Variants in ODAD3 observed in about 807,000 individuals in gnomAD.
ODAD3 encodes the protein outer dynein arm-docking complex subunit 3.
ODAD3 carries 57 observed loss-of-function variants against 70.9 expected under a neutral mutation model. That is an observed-to-expected ratio of 0.80 (90% CI 0.65 to 1.00). ODAD3 has a LOEUF of 1.00. Among genes scored for constraint, ODAD3 ranks in the 50% least tolerant of loss-of-function variants. ODAD3 has a pLI of 0.00. For missense variants in ODAD3, 797 were observed against 763.9 expected (o/e 1.04, Z -0.51); for synonymous variants, 327 against 315.9 (o/e 1.04, Z -0.37).
intron 7 of ODAD3, among the ~76,000 whole-genome samples, chr19:11,425,461 G>GTATATATGTATATATGTGTATATA (rs1228126402): frequency 1.9e-5 from 2 of 107,254 alleles, no homozygotes; most frequent in African/African-American, 7.4e-5. Context: ...ATATATGTGT[G>GTATATATGTATATATGTGTATATA]TGTATATATG....
chr19:11,424,097 G>A, intron 7 of ODAD3, 68 bp from the exon 8 acceptor site: 1 of 1,558,104 alleles, frequency 6.4e-7, no homozygotes, highest in Non-Finnish European at 8.7e-7. Flanking sequence ...GGCCGGGGAG[G>A]GGGATCCAGA....
chr19:11,424,561 AT>A (rs1969223694), intron 7 of ODAD3, among the ~76,000 whole-genome samples: 4 of 139,928 alleles, frequency 2.9e-5, no homozygotes, highest in African/African-American at 1.2e-4. Flanking sequence ...CTATGTGTAT[AT>A]ATGTATATAT....
At position 11,423,780 on chromosome 19, in the gene ODAD3, G is replaced by C. The variant is rs1250427289; in HGVS notation, c.1116+97C>G. On this transcript the variant is annotated intron_variant, in intron 8 of 12. Coordinates refer to ENST00000356392, the MANE Select transcript of ODAD3 (RefSeq NM_145045.5). ...CTGAATAACCGACCTGGCAGAGAGGGGAGACAGGGTGTGTCGGTTTCACCG... is the reference window on the plus strand; with the variant it reads ...CTGAATAACCGACCTGGCAGAGAGGCGAGACAGGGTGTGTCGGTTTCACCG... 3.1e-6 allele frequency: 4 copies of C among 1,284,712 alleles called. No individual in the cohort carries two copies. The African/African-American group carries it at 5.9e-5, about 19-fold the overall frequency. 79.6% of individuals were successfully genotyped at this position (1,284,712 alleles called of 1,614,324 possible). A position where few individuals can be genotyped will look rare whatever the true frequency, so the allele number is the denominator to read the frequency against.
intron 1 of ODAD3, among the ~76,000 whole-genome samples, chr19:11,431,474 T>C (rs1969502659): frequency 6.6e-6 from 1 of 151,650 alleles, no homozygotes; most frequent in Admixed American, 6.6e-5. Context: ...TAAAACCGCA[T>C]CTCTACTAAA....
rs1969315704 is a variant in ODAD3, at chr19:11,425,386, T to TATATATACATATATGTGTATATAC, written c.963+757_963+758insGTATATACACATATATGTATATAT. Among the ~76,000 whole-genome samples, 13 of 123,766 alleles carry TATATATACATATATGTGTATATAC rather than the reference T, an allele frequency of 1.1e-4. 1 individual carries two copies. Among genetic ancestry groups the TATATATACATATATGTGTATATAC allele is most frequent in the East Asian group, 6.5e-4 (3 of 4,650 alleles). 81.2% of individuals were successfully genotyped at this position (123,766 alleles called of 152,430 possible). On this transcript the variant is annotated intron_variant, in intron 7 of 12. Coordinates refer to ENST00000356392, the MANE Select transcript of ODAD3 (RefSeq NM_145045.5). Reference sequence around the variant, plus strand: ...ACATATGTGTATATATGTGTGTATGTACATATGTGTATATGTATATATACA... The same window carrying TATATATACATATATGTGTATATAC: ...ACATATGTGTATATATGTGTGTATGTATATATACATATATGTGTATATACACATATGTGTATATGTATATATACA...
rs1013593406 is a variant in ODAD3 at position 11,425,069 on chromosome 19, A to G, written c.964-1040T>C. 5.1e-4 allele frequency among the ~76,000 whole-genome samples: 64 copies of G among 124,508 alleles called. 4 individuals are homozygous for G. The highest frequency in any genetic ancestry group is 1.2e-3 in the South Asian group (5 of 4,184). 81.7% of individuals were successfully genotyped at this position (124,508 alleles called of 152,430 possible). On this transcript the variant is annotated intron_variant, in intron 7 of 12. Coordinates refer to ENST00000356392, the MANE Select transcript of ODAD3 (RefSeq NM_145045.5). The stretch of plus-strand genomic sequence containing the variant: ...TGTATATATGTGTATATGTGTATAT[A>G]TGTATATGTGTATATGTACATATGT...
chr19:11,426,145 T>TTGCGCTCCA lies in ODAD3; in HGVS notation c.953_961dup (p.Met318_Arg320dup), dbSNP rs760117586. The TTGCGCTCCA allele has an allele frequency of 2.1e-5, 33 of 1,608,066 alleles. No homozygotes were observed. The highest frequency in any genetic ancestry group is 6.8e-6 in the Non-Finnish European group (8 of 1,178,874). Reference sequence around the variant, plus strand: ...GCGCGCACCCCTGGGTGCGCCCACCTTGCGCTCCATGCGCTCGTTCTCCAG... The same window carrying TTGCGCTCCA: ...GCGCGCACCCCTGGGTGCGCCCACCTTGCGCTCCATGCGCTCCATGCGCTCGTTCTCCAG... On this transcript the variant is annotated inframe_insertion and splice_region_variant, in exon 7 of 13. Coordinates refer to ENST00000356392, the MANE Select transcript of ODAD3 (RefSeq NM_145045.5).
In ODAD3 at chr19:11,425,483, GTA is replaced by G. The variant is rs1204966560; in HGVS notation, c.963+659_963+660del. ...TGTGTGTATATATGTATATATGTGT[GTA>G]TATATGTATATATGTATATATGTGT... is the stretch of plus-strand genomic sequence containing the variant. On this transcript the variant is annotated intron_variant, in intron 7 of 12. Coordinates refer to ENST00000356392, the MANE Select transcript of ODAD3 (RefSeq NM_145045.5). Among the ~76,000 whole-genome samples, 15 of 123,016 alleles carry G rather than the reference GTA, an allele frequency of 1.2e-4. 2 individuals are homozygous for G. The highest frequency in any genetic ancestry group is 4.1e-4 in the African/African-American group (14 of 34,418). The allele number at this position is 123,016 out of a possible 152,430, so 80.7% of individuals were successfully genotyped here.
intron 3 of ODAD3, among the ~76,000 whole-genome samples, chr19:11,429,068 G>T (rs1044110745): frequency 6.8e-6 from 1 of 146,326 alleles, no homozygotes; most frequent in African/African-American, 2.5e-5. Context: ...TAGTAGAGAC[G>T]GGGTTTCGCC....
intron 8 of ODAD3, 36 bp downstream of exon 8, chr19:11,423,841 G>A (rs758783041): frequency 6.4e-6 from 8 of 1,252,908 alleles, no homozygotes; most frequent in East Asian, 3.0e-5. Flanking sequence ...GGGGTGGGGG[G>A]GGGGCGCGGC....
At chr19:11,426,111 G>A (rs1405884839) in intron 7 of ODAD3, 33 bp downstream of exon 7, 1 of 1,595,208 alleles carries the variant, frequency 6.3e-7, no homozygotes, top group East Asian at 2.2e-5. Flanking sequence ...GGCTGGGCTG[G>A]AGTCACAGGC....
intron 7 of ODAD3, among the ~76,000 whole-genome samples, chr19:11,425,112 T>TAC (rs1969271420): frequency 7.3e-6 from 1 of 136,476 alleles, no homozygotes. Context: ...TGTATATATG[T>TAC]GTATATGTAC....
intron 3 of ODAD3, chr19:11,430,449 T>C: frequency 1.9e-6 from 1 of 528,414 alleles, no homozygotes. Context: ...TGATGTTTTT[T>C]TTTTTAACTT....
intron 3 of ODAD3, among the ~76,000 whole-genome samples, chr19:11,428,152 T>C (rs1159582691): frequency 1.3e-5 from 2 of 151,546 alleles, no homozygotes; most frequent in East Asian, 3.9e-4. Context: ...CTCAGGCTGG[T>C]CGCGAATTCC....
At chr19:11,432,816 C>T (rs533001781) in intron 1 of ODAD3, among the ~76,000 whole-genome samples, 71 of 150,406 alleles carry the variant, frequency 4.7e-4, no homozygotes, top group Non-Finnish European at 8.3e-4. Context: ...TTTTTTAAGA[C>T]GGAATCTCAC....
chr19:11,422,462 G>T lies in ODAD3; in HGVS notation c.1434+9C>A. 1 of 1,568,238 alleles carries T rather than the reference G, an allele frequency of 6.4e-7. No homozygotes were observed. The highest frequency in any genetic ancestry group is 1.8e-5 in the Admixed American group (1 of 54,328). On this transcript the variant is annotated intron_variant, in intron 10 of 12. Coordinates refer to ENST00000356392, the MANE Select transcript of ODAD3 (RefSeq NM_145045.5). This position sits in a 1 kb window ranked among gnomAD's most constrained non-coding sequence, Gnocchi z 4.6. The stretch of plus-strand genomic sequence containing the variant: ...GGGCCTGTCGGGGCTTCCCCTGGGC[G>T]GGGCCTACCACAGTGATGTGGATCA...
Position 11,422,411 on chromosome 19 carries a change from G to C in ODAD3, c.1434+60C>G, listed in dbSNP as rs923863471. 2.0e-6 allele frequency: 3 copies of C among 1,464,766 alleles called. No individual in the cohort carries two copies. The highest frequency in any genetic ancestry group is 2.5e-4 in the Middle Eastern group (1 of 4,024). The allele number at this position is 1,464,766 out of a possible 1,614,324, so 90.7% of individuals were successfully genotyped here. ...GCTGGTGTGGCAGGAACCCCGCTTC[G>C]TGGCTGCGCCTCTGCGGTCCCAGGA... On this transcript the variant is annotated intron_variant, in intron 10 of 12. Transcript: ENST00000356392. This position sits in a 1 kb window ranked among gnomAD's most constrained non-coding sequence, Gnocchi z 4.6.
In ODAD3 at chr19:11,424,045, G is replaced by A. The variant is rs559900157; in HGVS notation, c.964-16C>T. On this transcript the variant is annotated splice_polypyrimidine_tract_variant and intron_variant, in intron 7 of 12. Transcript: ENST00000356392. ...CGCGGTGGGTCTGCTCGTGGGTTGA[G>A]GTCAGAGCCAGGGTCAGCTGGTGGA... 4.7e-5 allele frequency: 76 copies of A among 1,601,932 alleles called. 1 individual carries two copies. In the South Asian group the frequency reaches 7.6e-4, roughly 16 times the overall value.
chr19:11,423,039 A>G (rs940721102), intron 8 of ODAD3, among the ~76,000 whole-genome samples, 178 bp from the exon 9 acceptor site: 8 of 152,366 alleles, frequency 5.3e-5, no homozygotes, highest in African/African-American at 1.9e-4. Context: ...AAGGGTGAGC[A>G]GCCCTGGATA....
Sources: allele counts gnomAD v4.1 joint callset (sites outside exome capture counted in the v4.1 genomes callset), GRCh38; gene constraint gnomAD v4.1.1; non-coding constraint Gnocchi (gnomAD v3.1); transcripts MANE v1.5; gene names NCBI Gene and HGNC (gene_info 2026-07-23, HGNC 2026-07-21).